The following DARS1 variants were observed in gnomAD, a reference collection of about 807,000 sequenced individuals.
DARS1 encodes aspartyl-tRNA synthetase 1.
Under a neutral mutation model 68.8 loss-of-function variants are expected in DARS1, and 51 were observed. The observed-to-expected ratio is 0.74, with a 90% CI of 0.59 to 0.94. The LOEUF (loss-of-function observed/expected upper bound fraction) is 0.94, where lower values mean the gene tolerates loss of function less well. DARS1 is among the 40% of genes least tolerant of loss of function. DARS1 has a pLI of 0.00. For missense variants in DARS1, 607 were observed against 597.3 expected (o/e 1.02, Z -0.17); for synonymous variants, 203 against 190.4 (o/e 1.07, Z -0.55).
At chr2:135,968,201 T>G (rs1056209921) in intron 3 of DARS1, among the ~76,000 whole-genome samples, 1 of 151,964 alleles carries the variant, frequency 6.6e-6, no homozygotes, top group African/African-American at 2.4e-5. Context: ...CAGGTGGAGG[T>G]TGCAGTGAGT....
At chr2:135,918,593 T>C (rs1198159589) in intron 10 of DARS1, among the ~76,000 whole-genome samples, 1 of 152,220 alleles carries the variant, frequency 6.6e-6, no homozygotes, top group East Asian at 1.9e-4. Context: ...TCAGCAGTAA[T>C]GGCGTTTGAG....
chr2:135,923,205 T>C (rs930364673), intron 8 of DARS1, among the ~76,000 whole-genome samples: 1 of 152,182 alleles, frequency 6.6e-6, no homozygotes, highest in Non-Finnish European at 1.5e-5. Context: ...TTGGAGTTGT[T>C]AAAATTTTTT....
At chr2:135,928,654 A>G (rs1348208505) in intron 7 of DARS1, among the ~76,000 whole-genome samples, 1 of 148,850 alleles carries the variant, frequency 6.7e-6, no homozygotes, top group South Asian at 2.1e-4. Context: ...GGCCAGATTT[A>G]CGCAGAATTT....
intron 7 of DARS1, among the ~76,000 whole-genome samples, chr2:135,925,234 C>A (rs1194816598): frequency 6.6e-6 from 1 of 152,126 alleles, no homozygotes; most frequent in Non-Finnish European, 1.5e-5. Flanking sequence ...TAACTTTTGT[C>A]CACTTCTCTG....
intron 10 of DARS1, among the ~76,000 whole-genome samples, chr2:135,917,932 T>G (rs1408323690): frequency 6.6e-6 from 1 of 151,878 alleles, no homozygotes; most frequent in African/African-American, 2.4e-5. Flanking sequence ...TTGTTTTTTA[T>G]TTTTTTAGAC....
intron 3 of DARS1, among the ~76,000 whole-genome samples, chr2:135,965,129 T>A (rs1487015431): frequency 6.6e-6 from 1 of 152,006 alleles, no homozygotes; most frequent in African/African-American, 2.4e-5. Context: ...TAAACAGAAT[T>A]CAGGACATTA....
At chr2:135,949,890 G>A (rs1681806204) in intron 4 of DARS1, among the ~76,000 whole-genome samples, 1 of 152,184 alleles carries the variant, frequency 6.6e-6, no homozygotes, top group African/African-American at 2.4e-5. Flanking sequence ...GCTAGAAACT[G>A]CTAGTAGTAT....
chr2:135,916,473 T>C (rs1681008605), intron 10 of DARS1, 101 bp from the exon 11 acceptor site: 2 of 554,418 alleles, frequency 3.6e-6, no homozygotes, highest in Non-Finnish European at 6.5e-6. Context: ...TGAATCAGTA[T>C]ATACACCAGG....
intron 10 of DARS1, 55 bp downstream of exon 10, chr2:135,920,398 A>T: frequency 7.2e-5 from 105 of 1,452,006 alleles, no homozygotes; most frequent in South Asian, 1.9e-4. Flanking sequence ...TTTTTTTTTT[A>T]AAGGGCCCAA....
intron 9 of DARS1, 76 bp from the exon 10 acceptor site, chr2:135,920,676 T>G (rs1681095132): frequency 1.6e-5 from 23 of 1,467,562 alleles, no homozygotes; most frequent in Non-Finnish European, 1.6e-5. Flanking sequence ...AATACAAACT[T>G]TTATTTAGTT....
intron 4 of DARS1, among the ~76,000 whole-genome samples, chr2:135,952,128 C>T (rs1681850915): frequency 6.6e-6 from 1 of 152,098 alleles, no homozygotes; most frequent in African/African-American, 2.4e-5. Context: ...GTAATTTACC[C>T]AGCTACCCAG....
chr2:135,972,652 G>A (rs1011310676), intron 3 of DARS1, among the ~76,000 whole-genome samples: 4 of 152,070 alleles, frequency 2.6e-5, no homozygotes, highest in Non-Finnish European at 4.4e-5. Flanking sequence ...CACAGAATGG[G>A]ACAAAGTATT....
At chr2:135,967,173 T>G (rs544199876) in intron 3 of DARS1, among the ~76,000 whole-genome samples, 25 of 152,348 alleles carry the variant, frequency 1.6e-4, no homozygotes, top group African/African-American at 5.8e-4. Context: ...ATTTAGATAA[T>G]GTACCTTAAC....
At chr2:135,946,630 T>C (rs1456354735) in intron 4 of DARS1, among the ~76,000 whole-genome samples, 1 of 152,098 alleles carries the variant, frequency 6.6e-6, no homozygotes, top group Non-Finnish European at 1.5e-5. Context: ...ATGGCTACCG[T>C]AGATGATCTG....
chr2:135,984,507 C>T lies in DARS1; in HGVS notation c.66+896G>A, dbSNP rs183234472. On this transcript the variant is annotated intron_variant, in intron 1 of 15. Transcript: ENST00000264161. The stretch of plus-strand genomic sequence containing the variant: ...GAACAATTTAAAGAAAAAGATAACC[C>T]TGGCCAGAGTAGAGAGATACAGTCA... 2.5e-3 allele frequency among the ~76,000 whole-genome samples: 384 copies of T among 152,262 alleles called. 4 individuals carry two copies. In the South Asian group the frequency reaches 0.028, roughly 11 times the overall value.
chr2:135,955,646 A>G (rs150786111), intron 4 of DARS1, among the ~76,000 whole-genome samples: 7 of 151,362 alleles, frequency 4.6e-5, no homozygotes, highest in African/African-American at 1.7e-4. Context: ...AAAAATAATA[A>G]AACCACCACC....
Position 135,907,285 on chromosome 2 carries a change from C to A in DARS1, c.*31G>T, listed in dbSNP as rs775136184. 1.3e-5 allele frequency: 15 copies of A among 1,126,682 alleles called. No individual in the cohort carries two copies. The highest frequency in any genetic ancestry group is 1.1e-4 in the South Asian group (8 of 75,918). The allele number at this position is 1,126,682 out of a possible 1,614,324, so 69.8% of individuals were successfully genotyped here. On this transcript the variant is annotated 3_prime_UTR_variant, in exon 16 of 16. Coordinates refer to ENST00000264161, the MANE Select transcript of DARS1 (RefSeq NM_001349.4). ...TTGAGGCAGGGTCTCGCTCTGTCAT[C>A]CACACTGGAGTTAAGTGGCAAAGTG...
Position 135,953,012 on chromosome 2 carries a change from C to T in DARS1, c.320+8384G>A, listed in dbSNP as rs191801381. ...CCCACCAATAGTGTATGAGGGGTTT[C>T]CCTTTCTCCACATCAAGTTTTTGAG... On this transcript the variant is annotated intron_variant, in intron 4 of 15. Coordinates refer to ENST00000264161, the MANE Select transcript of DARS1 (RefSeq NM_001349.4). Among the ~76,000 whole-genome samples the T allele has an allele frequency of 1.2e-3, 177 of 152,290 alleles. 1 individual carries two copies. The highest frequency in any genetic ancestry group is 2.1e-3 in the Non-Finnish European group (141 of 68,020).
chr2:135,950,009 TA>T (rs1353883319), intron 4 of DARS1, among the ~76,000 whole-genome samples: 1 of 152,250 alleles, frequency 6.6e-6, no homozygotes, highest in Admixed American at 6.5e-5. Context: ...TTTTGCCTTT[TA>T]AATGATTAAG....
Sources: gnomAD v4.1 joint callset for allele counts (sites outside exome capture counted in the v4.1 genomes callset) on GRCh38, gnomAD v4.1.1 for gene constraint, MANE v1.5 for transcripts, NCBI Gene and HGNC (gene_info 2026-07-23, HGNC 2026-07-21) for gene names.